ZFPM2: variants seen among roughly 807,000 people sequenced by gnomAD.
ZFPM2 encodes the protein zinc finger protein, FOG family member 2, also known as zinc finger protein ZFPM2.
In ZFPM2, 20 loss-of-function variants were observed where a neutral mutation model predicts 98.6. The observed-to-expected ratio is 0.20, with a 90% confidence interval of 0.14 to 0.29. ZFPM2 has a LOEUF of 0.29. ZFPM2 is among the 10% of genes least tolerant of loss of function. The probability of loss-of-function intolerance (pLI) is 1.00; values close to 1 mark genes in which losing one functional copy is unlikely to be tolerated. For missense variants in ZFPM2, 1,310 were observed against 1,388.6 expected (o/e 0.94, Z 0.90); for synonymous variants, 518 against 502.7 (o/e 1.03, Z -0.41).
intron 3 of ZFPM2, among the ~76,000 whole-genome samples, chr8:105,520,817 T>A (rs1814037660): frequency 6.8e-6 from 1 of 147,190 alleles, no homozygotes. Context: ...GTGTCCAAGT[T>A]TAGATAACAA....
At chr8:105,350,486 A>C (rs997465775) in intron 1 of ZFPM2, among the ~76,000 whole-genome samples, 3 of 152,220 alleles carry the variant, frequency 2.0e-5, no homozygotes, top group African/African-American at 7.2e-5. Context: ...AGAGTAGTGT[A>C]GATTGAATCA....
At chr8:105,536,530 A>G (rs1814456441) in intron 3 of ZFPM2, among the ~76,000 whole-genome samples, 1 of 152,052 alleles carries the variant, frequency 6.6e-6, no homozygotes, top group Non-Finnish European at 1.5e-5. Flanking sequence ...GTTAAGAACT[A>G]CTTTTATTTG....
At chr8:105,330,581 C>CACATAT (rs1812202101) in intron 1 of ZFPM2, among the ~76,000 whole-genome samples, 1 of 86,340 alleles carries the variant, frequency 1.2e-5, no homozygotes, top group Non-Finnish European at 2.3e-5. Context: ...TATATATATA[C>CACATAT]ATATATATAT....
At chr8:105,515,870 C>G (rs1198482470) in intron 3 of ZFPM2, among the ~76,000 whole-genome samples, 2 of 149,714 alleles carry the variant, frequency 1.3e-5, no homozygotes, top group African/African-American at 2.5e-5. Flanking sequence ...TGCATGTCCA[C>G]TTCTTGAACC....
intron 5 of ZFPM2, among the ~76,000 whole-genome samples, chr8:105,649,346 C>G (rs1223647946): frequency 5.3e-5 from 8 of 152,166 alleles, no homozygotes; most frequent in Admixed American, 2.0e-4. Context: ...TTGACTTCCT[C>G]TTTTCCTAAT....
chr8:105,514,307 C>CTTTT (rs56955237), intron 3 of ZFPM2, among the ~76,000 whole-genome samples: 4 of 127,568 alleles, frequency 3.1e-5, no homozygotes, highest in South Asian at 5.0e-4. Context: ...CTGGTCGTGT[C>CTTTT]TTTTTTTTTT....
At chr8:105,402,647 TA>T (rs1811363491) in intron 1 of ZFPM2, among the ~76,000 whole-genome samples, 1 of 152,072 alleles carries the variant, frequency 6.6e-6, no homozygotes, top group Non-Finnish European at 1.5e-5. Context: ...TCTAATATTT[TA>T]TTTTGTTAAA....
At chr8:105,431,921 C>CAAAAAAAAAAAAAAAAA (rs150549199) in intron 2 of ZFPM2, among the ~76,000 whole-genome samples, 2 of 133,464 alleles carry the variant, frequency 1.5e-5, no homozygotes, top group African/African-American at 3.3e-5. Flanking sequence ...GACTGTGTCT[C>CAAAAAAAAAAAAAAAAA]AAAAAAAAGA....
intron 4 of ZFPM2, among the ~76,000 whole-genome samples, chr8:105,577,600 G>T (rs1586474872): frequency 6.6e-6 from 1 of 151,594 alleles, no homozygotes; most frequent in South Asian, 2.1e-4. Flanking sequence ...TTTACATCAT[G>T]GAAAAACTGA....
At chr8:105,496,745 G>A (rs1324276654) in intron 3 of ZFPM2, among the ~76,000 whole-genome samples, 1 of 149,388 alleles carries the variant, frequency 6.7e-6, no homozygotes, top group African/African-American at 2.4e-5. Context: ...CACTTTGGGA[G>A]GCCAAGGTGG....
intron 4 of ZFPM2, among the ~76,000 whole-genome samples, chr8:105,623,408 T>A (rs990545205): frequency 2.0e-5 from 3 of 152,242 alleles, no homozygotes; most frequent in Admixed American, 2.0e-4. Flanking sequence ...ATAAGCAAGT[T>A]AATAGTTTAT....
intron 2 of ZFPM2, among the ~76,000 whole-genome samples, chr8:105,430,644 G>A (rs1812001447): frequency 6.6e-6 from 1 of 152,184 alleles, no homozygotes; most frequent in Non-Finnish European, 1.5e-5. Flanking sequence ...AGAACCTGTT[G>A]CTGGCACTAA....
intron 1 of ZFPM2, among the ~76,000 whole-genome samples, chr8:105,417,310 G>A (rs2130069705): frequency 6.6e-6 from 1 of 152,168 alleles, no homozygotes; most frequent in East Asian, 1.9e-4. Context: ...TAAAGATCAT[G>A]TAAGAAAGTG....
intron 5 of ZFPM2, among the ~76,000 whole-genome samples, chr8:105,775,973 C>CTTCAGTAGTT: frequency 6.6e-6 from 1 of 152,170 alleles, no homozygotes; most frequent in Non-Finnish European, 1.5e-5. Flanking sequence ...TGAGCTTATG[C>CTTCAGTAGTT]TTCAGTAGAA....
intron 6 of ZFPM2, among the ~76,000 whole-genome samples, chr8:105,792,046 T>A (rs1355515790): frequency 1.3e-5 from 2 of 152,212 alleles, no homozygotes; most frequent in Admixed American, 1.3e-4. Flanking sequence ...AACCAGTTCC[T>A]GGATTCATTA....
At chr8:105,460,963 A>G (rs1479212748) in intron 3 of ZFPM2, among the ~76,000 whole-genome samples, 1 of 152,092 alleles carries the variant, frequency 6.6e-6, no homozygotes, top group Non-Finnish European at 1.5e-5. Flanking sequence ...TGGTGTGGAT[A>G]ATAGAAAAAA....
intron 1 of ZFPM2, among the ~76,000 whole-genome samples, chr8:105,371,067 A>C (rs1434872116): frequency 2.0e-5 from 3 of 152,234 alleles, no homozygotes; most frequent in African/African-American, 7.2e-5. Flanking sequence ...TTTGCAGGAC[A>C]TGAAGCCTGA....
intron 2 of ZFPM2, among the ~76,000 whole-genome samples, chr8:105,437,765 A>G (rs115149461): frequency 0.016 from 2,447 of 152,210 alleles, 60 homozygotes; most frequent in African/African-American, 0.056. Context: ...GTTTCTGGCC[A>G]GGAGTGGTGG....
intron 3 of ZFPM2, among the ~76,000 whole-genome samples, chr8:105,551,368 A>G (rs1417203809): frequency 6.6e-6 from 1 of 152,040 alleles, no homozygotes; most frequent in Non-Finnish European, 1.5e-5. Context: ...TAGGGTCTAT[A>G]TTCATTGGTT....
Sources: allele counts gnomAD v4.1 joint callset (sites outside exome capture counted in the v4.1 genomes callset), GRCh38; gene constraint gnomAD v4.1.1; transcripts MANE v1.5; gene names NCBI Gene and HGNC (gene_info 2026-07-23, HGNC 2026-07-21).